Variants in PDZD8 observed in about 807,000 individuals in gnomAD.
The protein encoded by PDZD8 is PDZ domain-containing protein 8.
PDZD8 carries 14 observed loss-of-function variants against 85.8 expected under a neutral mutation model. That is an observed-to-expected ratio of 0.16 (90% CI 0.11 to 0.26). The LOEUF (loss-of-function observed/expected upper bound fraction) is 0.26, where lower values mean the gene tolerates loss of function less well. PDZD8 is among the 10% of genes least tolerant of loss of function. PDZD8 has a pLI of 1.00. For missense variants in PDZD8, 1,197 were observed against 1,424.3 expected (o/e 0.84, Z 2.57); for synonymous variants, 592 against 568.6 (o/e 1.04, Z -0.59).
intron 2 of PDZD8, among the ~76,000 whole-genome samples, chr10:117,330,171 T>A (rs1255117279): frequency 6.6e-6 from 1 of 151,924 alleles, no homozygotes; most frequent in Non-Finnish European, 1.5e-5. Flanking sequence ...TGGTTGACCT[T>A]TTATACATGC....
chr10:117,364,492 C>A (rs1048296863), intron 1 of PDZD8, among the ~76,000 whole-genome samples: 3 of 151,764 alleles, frequency 2.0e-5, no homozygotes, highest in Admixed American at 2.0e-4. Flanking sequence ...CACACACACA[C>A]GCATATTTCC....
At chr10:117,369,026 G>T (rs1018595119) in intron 1 of PDZD8, among the ~76,000 whole-genome samples, 20 of 151,824 alleles carry the variant, frequency 1.3e-4, no homozygotes, top group Non-Finnish European at 2.6e-4. Flanking sequence ...TAGAAGCGGG[G>T]TTTCACCATG....
chr10:117,322,949 G>A (rs1844251544), intron 2 of PDZD8, among the ~76,000 whole-genome samples: 1 of 152,076 alleles, frequency 6.6e-6, no homozygotes, highest in Non-Finnish European at 1.5e-5. Context: ...CTTGGCTCTG[G>A]GAGACCCAAG....
chr10:117,364,642 A>G (rs1278578239), intron 1 of PDZD8, among the ~76,000 whole-genome samples: 1 of 152,116 alleles, frequency 6.6e-6, no homozygotes, highest in East Asian at 1.9e-4. Flanking sequence ...TGTGGGAAAA[A>G]CACTCCAGAA....
At chr10:117,288,216 T>C (rs1844698181) in intron 4 of PDZD8, among the ~76,000 whole-genome samples, 1 of 152,180 alleles carries the variant, frequency 6.6e-6, no homozygotes, top group Non-Finnish European at 1.5e-5. Context: ...TCATCAATTA[T>C]ATACCCATAT....
At chr10:117,365,224 T>C (rs1845067559) in intron 1 of PDZD8, among the ~76,000 whole-genome samples, 1 of 152,124 alleles carries the variant, frequency 6.6e-6, no homozygotes, top group South Asian at 2.1e-4. Context: ...AGTGAGAAAC[T>C]GAAAAATTAA....
intron 3 of PDZD8, among the ~76,000 whole-genome samples, chr10:117,302,121 T>C (rs17627160): frequency 0.21 from 31,730 of 152,168 alleles, 3,887 homozygotes; most frequent in Middle Eastern, 0.34. Context: ...CCTTCTGGTA[T>C]CAATCTAATT....
At chr10:117,353,236 T>C (rs983249542) in intron 1 of PDZD8, among the ~76,000 whole-genome samples, 7 of 152,116 alleles carry the variant, frequency 4.6e-5, no homozygotes, top group Admixed American at 2.6e-4. Context: ...CTGAGTAAAA[T>C]ATAAAGAACT....
chr10:117,340,736 G>C lies in PDZD8; in HGVS notation c.995+244C>G, dbSNP rs969365301. On this transcript the variant is annotated intron_variant, in intron 2 of 4. Coordinates refer to ENST00000334464, the MANE Select transcript of PDZD8 (RefSeq NM_173791.5). The stretch of plus-strand genomic sequence containing the variant: ...TAAAAATAAGCCAACAGAGCACTAT[G>C]CATCTAAATAGTGTCAGAATGACTA... 1.1e-4 allele frequency among the ~76,000 whole-genome samples: 17 copies of C among 152,164 alleles called. No homozygotes were observed. In the South Asian group the frequency reaches 3.1e-3, roughly 28 times the overall value.
chr10:117,332,454 A>G (rs1731557474), intron 2 of PDZD8, among the ~76,000 whole-genome samples: 1 of 151,774 alleles, frequency 6.6e-6, no homozygotes, highest in South Asian at 2.1e-4. Context: ...CACTTCTAAC[A>G]TAATATAAAA....
chr10:117,291,404 C>T (rs1452527993), intron 3 of PDZD8, among the ~76,000 whole-genome samples: 3 of 151,660 alleles, frequency 2.0e-5, no homozygotes, highest in Admixed American at 2.0e-4. Context: ...GTGGCAGTGC[C>T]TGTAGTCCCA....
chr10:117,292,772 A>C (rs1404175121), intron 3 of PDZD8, among the ~76,000 whole-genome samples: 1 of 128,794 alleles, frequency 7.8e-6, no homozygotes, highest in Admixed American at 7.6e-5. Flanking sequence ...TTCCAGATGC[A>C]AAAAAAAAAA....
rs1227912958 is a variant in PDZD8, at chr10:117,280,751, G to A, written c.*2517C>T. 1 of 152,158 alleles carries A rather than the reference G, an allele frequency of 6.6e-6. No homozygotes were observed. The highest frequency in any genetic ancestry group is 1.9e-4 in the East Asian group (1 of 5,198). The allele number at this position is 152,158 out of a possible 1,614,324, so 9.4% of individuals were successfully genotyped here. On this transcript the variant is annotated 3_prime_UTR_variant, in exon 5 of 5. Coordinates refer to ENST00000334464, the MANE Select transcript of PDZD8 (RefSeq NM_173791.5). ...CAAATGTCATTAGCAGCATTACTGA[G>A]CTTTCTATAATTGTGGTCTACAGAG... is the stretch of plus-strand genomic sequence containing the variant.
At chr10:117,290,132 C>T in intron 4 of PDZD8, 54 bp downstream of exon 4, 1 of 1,452,740 alleles carries the variant, frequency 6.9e-7, no homozygotes, top group Non-Finnish European at 9.2e-7. Context: ...AACCTCACAC[C>T]TACTTTGTAG....
rs112873902 is a variant in PDZD8, at chr10:117,364,321, C to T, written c.872+10035G>A. 3.7e-3 allele frequency among the ~76,000 whole-genome samples: 557 copies of T among 152,064 alleles called. 3 individuals carry two copies. Among genetic ancestry groups the T allele is most frequent in the African/African-American group, 0.013 (519 of 41,492 alleles). On this transcript the variant is annotated intron_variant, in intron 1 of 4. Coordinates refer to ENST00000334464, the MANE Select transcript of PDZD8 (RefSeq NM_173791.5). Reference sequence around the variant, plus strand: ...CATCAGCCTGTGTTTATAATGACAACGTTTAACCATAAAAAATGTTAAAAT... The same window carrying T: ...CATCAGCCTGTGTTTATAATGACAATGTTTAACCATAAAAAATGTTAAAAT...
chr10:117,349,318 T>G (rs890923265), intron 1 of PDZD8, among the ~76,000 whole-genome samples: 3 of 152,090 alleles, frequency 2.0e-5, no homozygotes, highest in Non-Finnish European at 4.4e-5. Flanking sequence ...AAAATCTGAG[T>G]AAGGCAATTT....
intron 1 of PDZD8, among the ~76,000 whole-genome samples, chr10:117,369,559 A>G (rs1449871677): frequency 1.3e-5 from 2 of 152,184 alleles, no homozygotes; most frequent in Non-Finnish European, 2.9e-5. Context: ...CACTCCAGCT[A>G]TTAAGTCTTC....
At chr10:117,319,631 T>C (rs901870152) in intron 2 of PDZD8, among the ~76,000 whole-genome samples, 1 of 152,136 alleles carries the variant, frequency 6.6e-6, no homozygotes, top group Non-Finnish European at 1.5e-5. Context: ...TATTATTGTC[T>C]TGAAAACAAT....
intron 1 of PDZD8, among the ~76,000 whole-genome samples, chr10:117,342,498 GAC>G (rs1193947041): frequency 6.6e-6 from 1 of 151,596 alleles, no homozygotes; most frequent in Non-Finnish European, 1.5e-5. Flanking sequence ...TTTTTCTTGA[GAC>G]ACAGTCTTGC....
Sources: gnomAD v4.1 joint callset for allele counts (sites outside exome capture counted in the v4.1 genomes callset) on GRCh38, gnomAD v4.1.1 for gene constraint, MANE v1.5 for transcripts, NCBI Gene and HGNC (gene_info 2026-07-23, HGNC 2026-07-21) for gene names.